The following SH3PXD2B variants were observed in gnomAD, a reference collection of about 807,000 sequenced individuals.
The protein encoded by SH3PXD2B is SH3 and PX domain-containing protein 2B.
A neutral mutation model predicts 73.1 loss-of-function variants in SH3PXD2B; 37 were observed. The ratio of observed to expected loss-of-function variants is 0.51; its 90% CI spans 0.39 to 0.67. SH3PXD2B has a LOEUF of 0.67. Among genes scored for constraint, SH3PXD2B ranks in the 30% least tolerant of loss-of-function variants. SH3PXD2B has a pLI of 0.00. For synonymous variants in SH3PXD2B, 457 were observed against 480.5 expected, an observed-to-expected ratio of 0.95 and a Z score of 0.64; for missense variants, 1,053 against 1,197.8, an observed-to-expected ratio of 0.88 and a Z score of 1.78.
At chr5:172,372,196 G>C (rs1295759979) in intron 6 of SH3PXD2B, among the ~76,000 whole-genome samples, 3 of 152,150 alleles carry the variant, frequency 2.0e-5, no homozygotes, top group Non-Finnish European at 2.9e-5. Context: ...AATCCCCAAT[G>C]TTGGAGGTGG....
intron 3 of SH3PXD2B, among the ~76,000 whole-genome samples, chr5:172,395,345 C>G (rs11738201): frequency 0.3 from 45,721 of 152,126 alleles, 7,445 homozygotes; most frequent in East Asian, 0.66. Flanking sequence ...GCAAAGAGGA[C>G]AGATCCTTCC....
downstream of SH3PXD2B, among the ~76,000 whole-genome samples, chr5:172,329,699 G>A (rs1411283903): frequency 1.3e-5 from 2 of 151,844 alleles, no homozygotes; most frequent in Non-Finnish European, 2.9e-5. Flanking sequence ...CACCACGCCC[G>A]GCTAATTTTT....
At chr5:172,395,298 A>C (rs1758269209) in intron 3 of SH3PXD2B, among the ~76,000 whole-genome samples, 2 of 152,202 alleles carry the variant, frequency 1.3e-5, no homozygotes, top group Non-Finnish European at 2.9e-5. Flanking sequence ...TTTTGTGACA[A>C]TAATGTTTGA....
At chr5:172,342,008 C>G (rs971800945) in intron 12 of SH3PXD2B, among the ~76,000 whole-genome samples, 2 of 152,086 alleles carry the variant, frequency 1.3e-5, no homozygotes, top group South Asian at 4.2e-4. Flanking sequence ...GGCCCTAGTT[C>G]AATATGACTG....
chr5:172,427,944 T>G (rs1759138812), intron 1 of SH3PXD2B, among the ~76,000 whole-genome samples: 1 of 151,844 alleles, frequency 6.6e-6, no homozygotes, highest in South Asian at 2.1e-4. Context: ...GCTCGGCTAA[T>G]TTTTTGTATT....
chr5:172,361,504 C>T (rs114688771), intron 7 of SH3PXD2B, among the ~76,000 whole-genome samples: 2,187 of 152,272 alleles, frequency 0.014, 16 homozygotes, highest in South Asian at 0.023. Flanking sequence ...ACACTTCTTC[C>T]CAGTCACCCA....
intron 1 of SH3PXD2B, among the ~76,000 whole-genome samples, chr5:172,425,179 C>A (rs145318046): frequency 1.7e-3 from 254 of 152,316 alleles, no homozygotes; most frequent in African/African-American, 5.8e-3. Flanking sequence ...TTCACCGAGA[C>A]TCCAGCATGG....
intron 1 of SH3PXD2B, among the ~76,000 whole-genome samples, chr5:172,423,655 T>C (rs913512118): frequency 2.6e-5 from 4 of 151,092 alleles, no homozygotes; most frequent in African/African-American, 9.7e-5. Flanking sequence ...ACTTTTTTGG[T>C]TTGGTTTCTT....
At chr5:172,390,041 G>A (rs1041290534) in intron 4 of SH3PXD2B, among the ~76,000 whole-genome samples, 4 of 152,088 alleles carry the variant, frequency 2.6e-5, no homozygotes, top group African/African-American at 4.8e-5. Context: ...CAGATTTACC[G>A]TGGCATAAAT....
At chr5:172,348,665 A>ATCTGTCTG (rs1408498831) in intron 10 of SH3PXD2B, among the ~76,000 whole-genome samples, 634 of 41,254 alleles carry the variant, frequency 0.015, 6 homozygotes, top group African/African-American at 0.04. Flanking sequence ...CTATCTATCT[A>ATCTGTCTG]TCTATCTATC....
chr5:172,405,605 G>C (rs911645472), intron 3 of SH3PXD2B, among the ~76,000 whole-genome samples: 1 of 152,182 alleles, frequency 6.6e-6, no homozygotes, highest in African/African-American at 2.4e-5. Flanking sequence ...AACAATCTAC[G>C]TGGAGGCTGG....
In SH3PXD2B at chr5:172,353,083, T is replaced by C. The variant is rs62385446; in HGVS notation, c.785+805A>G. On this transcript the variant is annotated intron_variant, in intron 9 of 12. Coordinates refer to ENST00000311601, the MANE Select transcript of SH3PXD2B (RefSeq NM_001017995.3). This position sits in a 1 kb window ranked among gnomAD's most constrained non-coding sequence, Gnocchi z 4.3. ...GTACCAGGTGGTGTGAGCTATTGTA[T>C]CTTGCTCACTGTTGACTCCTCAGCT... is the stretch of plus-strand genomic sequence containing the variant. 0.24 allele frequency among the ~76,000 whole-genome samples: 35,877 copies of C among 152,046 alleles called. 5,024 individuals carry two copies. The highest frequency in any genetic ancestry group is 0.31 in the Non-Finnish European group (21,239 of 67,936).
chr5:172,443,302 G>C (rs1285199121), intron 1 of SH3PXD2B, among the ~76,000 whole-genome samples: 1 of 152,198 alleles, frequency 6.6e-6, no homozygotes, highest in African/African-American at 2.4e-5. Context: ...GCGAGTTGCT[G>C]CCTTCATTCA....
At chr5:172,416,673 T>C (rs1351830895) in intron 2 of SH3PXD2B, among the ~76,000 whole-genome samples, 2 of 140,580 alleles carry the variant, frequency 1.4e-5, no homozygotes, top group Non-Finnish European at 3.1e-5. Flanking sequence ...TCATAGAGAC[T>C]GTGAGTCTCT....
At chr5:172,427,611 A>C (rs1759126674) in intron 1 of SH3PXD2B, among the ~76,000 whole-genome samples, 1 of 152,008 alleles carries the variant, frequency 6.6e-6, no homozygotes, top group South Asian at 2.1e-4. Flanking sequence ...TCAGTATCTC[A>C]AAGTATTGGG....
rs1757105608 is a variant in SH3PXD2B at position 172,349,391 on chromosome 5, T to C, written c.1012+972A>G. Among the ~76,000 whole-genome samples the C allele has an allele frequency of 2.0e-5, 3 of 152,210 alleles. No individual in the cohort carries two copies. In the South Asian group the frequency reaches 6.2e-4, roughly 32 times the overall value. ...TAAGTCCTGGGCACCAGCGTGCCCA[T>C]GCAGACATGGTATGGTAGCCAGTGT... On this transcript the variant is annotated intron_variant, in intron 10 of 12. Transcript: ENST00000311601.
At chr5:172,343,826 A>G (rs935275444) in intron 12 of SH3PXD2B, among the ~76,000 whole-genome samples, 2 of 151,958 alleles carry the variant, frequency 1.3e-5, no homozygotes, top group African/African-American at 4.8e-5. Flanking sequence ...AAAAGATCAC[A>G]AGAATGAGGG....
chr5:172,432,838 C>A (rs1489793772), intron 1 of SH3PXD2B, among the ~76,000 whole-genome samples: 2 of 137,894 alleles, frequency 1.5e-5, no homozygotes, highest in Non-Finnish European at 3.0e-5. Flanking sequence ...CTTGAATCTG[C>A]GAGGCGGAGA....
At chr5:172,412,172 G>A (rs142220058) in intron 2 of SH3PXD2B, among the ~76,000 whole-genome samples, 11 of 152,180 alleles carry the variant, frequency 7.2e-5, no homozygotes, top group Non-Finnish European at 1.5e-4. Context: ...AATAATATTT[G>A]ATTGTGAGGC....
Sources: allele counts gnomAD v4.1 joint callset (sites outside exome capture counted in the v4.1 genomes callset), GRCh38; gene constraint gnomAD v4.1.1; non-coding constraint Gnocchi (gnomAD v3.1); transcripts MANE v1.5; gene names NCBI Gene and HGNC (gene_info 2026-07-23, HGNC 2026-07-21).